The following UGT1A9 variants were observed in gnomAD, a reference collection of about 807,000 sequenced individuals.
The protein encoded by UGT1A9 is UDP-glucuronosyltransferase 1A9.
In UGT1A9, 35 loss-of-function variants were observed where a neutral mutation model predicts 45.0. The observed-to-expected ratio is 0.78, with a 90% CI of 0.59 to 1.03. UGT1A9 has a LOEUF of 1.03. UGT1A9 is among the 50% of genes least tolerant of loss of function. The pLI is 0.00. For synonymous variants in UGT1A9, 278 were observed against 250.6 expected (o/e 1.11, Z -1.03); for missense variants, 687 against 666.6 (o/e 1.03, Z -0.34).
intron 1 of UGT1A9, among the ~76,000 whole-genome samples, chr2:233,701,570 C>T (rs1230204481): frequency 1.3e-5 from 2 of 152,144 alleles, no homozygotes; most frequent in African/African-American, 2.4e-5. Flanking sequence ...CACACCTACT[C>T]CAAAATTGAC....
intron 1 of UGT1A9, among the ~76,000 whole-genome samples, chr2:233,735,339 T>TG (rs1286077352): frequency 6.6e-6 from 1 of 151,862 alleles, no homozygotes; most frequent in African/African-American, 2.4e-5. Flanking sequence ...AACCCCTGCT[T>TG]TTTTTTTGCT....
chr2:233,747,448 C>A (rs577048097), intron 1 of UGT1A9: 2 of 1,609,000 alleles, frequency 1.2e-6, no homozygotes, highest in East Asian at 4.5e-5. Flanking sequence ...ACCCTGACAA[C>A]CTATGCCATT....
chr2:233,713,977 C>T, intron 1 of UGT1A9: 3 of 1,595,304 alleles, frequency 1.9e-6, no homozygotes, highest in East Asian at 2.2e-5. Context: ...TTCTGCTTCT[C>T]ATTGTTGTAA....
At chr2:233,768,114 G>T in intron 3 of UGT1A9, 106 bp from the exon 4 acceptor site, 2 of 1,597,766 alleles carry the variant, frequency 1.3e-6, no homozygotes. Flanking sequence ...TTCTGCAAGG[G>T]CATGTGAGTA....
At chr2:233,679,888 C>G (rs920691751) in intron 1 of UGT1A9, among the ~76,000 whole-genome samples, 1 of 152,038 alleles carries the variant, frequency 6.6e-6, no homozygotes, top group African/African-American at 2.4e-5. Flanking sequence ...AATCCTACAC[C>G]CACATTAAAG....
chr2:233,750,657 G>A (rs1694532021), intron 1 of UGT1A9: 1 of 143,480 alleles, frequency 7.0e-6, no homozygotes, highest in Admixed American at 6.7e-5. Flanking sequence ...TCAGGACTTG[G>A]TGCCCTGTGT....
intron 1 of UGT1A9, chr2:233,719,057 C>T (rs777947055): frequency 1.2e-6 from 2 of 1,614,274 alleles, no homozygotes; most frequent in South Asian, 2.2e-5. Flanking sequence ...CCCTGACAGC[C>T]TATGCTGTTC....
intron 1 of UGT1A9, chr2:233,729,503 G>T: frequency 1.2e-6 from 2 of 1,614,172 alleles, no homozygotes; most frequent in Non-Finnish European, 1.7e-6. Context: ...GTCTATCATA[G>T]GTCTTGTGTG....
intron 1 of UGT1A9, chr2:233,729,180 T>G: frequency 6.2e-6 from 10 of 1,613,900 alleles, no homozygotes; most frequent in Non-Finnish European, 7.6e-6. Context: ...GACTGCTGCT[T>G]CTCCTCAGTG....
chr2:233,752,472 A>C (rs185071344), intron 1 of UGT1A9: 1 of 152,238 alleles, frequency 6.6e-6, no homozygotes, highest in Non-Finnish European at 1.5e-5. Context: ...GGCCTCTAGC[A>C]GTGTTATGTT....
intron 1 of UGT1A9, among the ~76,000 whole-genome samples, chr2:233,728,930 G>T (rs144892248): frequency 2.1e-5 from 3 of 145,550 alleles, no homozygotes; most frequent in Non-Finnish European, 4.4e-5. Flanking sequence ...GTCATGATCG[G>T]TCTTTTCCAG....
rs71398796 is a variant in UGT1A9 at position 233,695,130 on chromosome 2, C to CTTTTTTTTT, written c.855+22347_855+22355dup. ...GCCCATTAACCAACCCTTTTCTTTT[C>CTTTTTTTTT]TTTTTTTTTTTTTTGAGACAGAGTC... is the stretch of plus-strand genomic sequence containing the variant. On this transcript the variant is annotated intron_variant, in intron 1 of 4. Transcript: ENST00000354728. 1.1e-4 allele frequency among the ~76,000 whole-genome samples: 15 copies of CTTTTTTTTT among 138,838 alleles called. 2 individuals are homozygous for CTTTTTTTTT. The highest frequency in any genetic ancestry group is 1.1e-4 in the Non-Finnish European group (7 of 64,552). 91.1% of individuals were successfully genotyped at this position (138,838 alleles called of 152,430 possible). A position where few individuals can be genotyped will look rare whatever the true frequency, so the allele number is the denominator to read the frequency against.
intron 1 of UGT1A9, among the ~76,000 whole-genome samples, chr2:233,698,691 T>TA (rs937682275): frequency 1.3e-5 from 2 of 152,038 alleles, no homozygotes; most frequent in Non-Finnish European, 2.9e-5. Context: ...AATACATTTC[T>TA]AAAAAAAATG....
intron 1 of UGT1A9, among the ~76,000 whole-genome samples, chr2:233,712,602 A>G (rs998294474): frequency 6.6e-6 from 1 of 152,190 alleles, no homozygotes; most frequent in African/African-American, 2.4e-5. Context: ...ATGGTTGGGG[A>G]CTAGGGCAAT....
At chr2:233,760,913 G>A (rs747662045) in intron 1 of UGT1A9, 10 of 1,614,168 alleles carry the variant, frequency 6.2e-6, no homozygotes, top group South Asian at 4.4e-5. Flanking sequence ...TTCCTGCAGC[G>A]GGTGAAGAAC....
At chr2:233,699,443 T>G (rs1417933041) in intron 1 of UGT1A9, among the ~76,000 whole-genome samples, 1 of 152,204 alleles carries the variant, frequency 6.6e-6, no homozygotes, top group African/African-American at 2.4e-5. Context: ...ATTGGAGTGT[T>G]TTCCTTAGAA....
Position 233,772,687 on chromosome 2 carries a change from A to G in UGT1A9, c.*128A>G. 2 of 1,493,882 alleles carry G rather than the reference A, an allele frequency of 1.3e-6. No homozygotes were observed. Among genetic ancestry groups the G allele is most frequent in the South Asian group, 2.6e-5 (2 of 76,070 alleles). The allele number at this position is 1,493,882 out of a possible 1,614,324, so 92.5% of individuals were successfully genotyped here. On this transcript the variant is annotated 3_prime_UTR_variant, in exon 5 of 5. Coordinates refer to ENST00000354728, the MANE Select transcript of UGT1A9 (RefSeq NM_021027.3). ...TACTTTGCATAAATTAATCAGCCCC[A>G]GAGTGCTTTAAAAAATTCTCTTAAA...
intron 1 of UGT1A9, among the ~76,000 whole-genome samples, chr2:233,674,890 G>T (rs1004514794): frequency 1.3e-5 from 2 of 152,160 alleles, no homozygotes; most frequent in African/African-American, 4.8e-5. Flanking sequence ...ACTTCATATT[G>T]CTCCTTCCTT....
chr2:233,672,376 G>A lies in UGT1A9; in HGVS notation c.442G>A (p.Asp148Asn), dbSNP rs767982435. The change falls in exon 1 of 5, where the codon GAT becomes AAT. Residue 148 changes from aspartate to asparagine, a missense_variant. By Grantham distance (23) the Asp-to-Asn change is conservative. Coordinates refer to ENST00000354728, the MANE Select transcript of UGT1A9 (RefSeq NM_021027.3). ...GAGTTCTTTTGATGCAGTGTTTCTCGATCCTTTTGATAACTGTGGCTTAAT... is the reference window on the plus strand; with the variant it reads ...GAGTTCTTTTGATGCAGTGTTTCTCAATCCTTTTGATAACTGTGGCTTAAT... ...KESSFDAVFL[D>N]PFDNCGLIVA... 1.1e-5 allele frequency: 17 copies of A among 1,613,854 alleles called. No homozygotes were observed. The highest frequency in any genetic ancestry group is 1.0e-4 in the Admixed American group (6 of 59,974).
Sources: allele counts gnomAD v4.1 joint callset (sites outside exome capture counted in the v4.1 genomes callset), GRCh38; gene constraint gnomAD v4.1.1; transcripts MANE v1.5; gene names NCBI Gene and HGNC (gene_info 2026-07-23, HGNC 2026-07-21).